MCPH1: variants seen among roughly 807,000 people sequenced by gnomAD.
MCPH1 encodes the protein microcephalin.
In MCPH1, 104 loss-of-function variants were observed where a neutral mutation model predicts 84.5. That is an observed-to-expected ratio of 1.23 (90% confidence interval 1.05 to 1.45). MCPH1 has a LOEUF of 1.45. Ranked by LOEUF, MCPH1 falls within the 40% of genes most tolerant of loss-of-function variation. The pLI is 0.00. For synonymous variants in MCPH1, 514 were observed against 366.8 expected (o/e 1.40, Z -4.58); for missense variants, 1,498 against 1,005.7 (o/e 1.49, Z -6.62).
chr8:6,498,727 AC>A (rs1402605778), intron 11 of MCPH1, among the ~76,000 whole-genome samples: 11 of 152,072 alleles, frequency 7.2e-5, no homozygotes, highest in Non-Finnish European at 1.3e-4. Context: ...CTTGATTTTA[AC>A]CTTTTATTTT....
chr8:6,612,460 C>T (rs116381246), intron 12 of MCPH1, among the ~76,000 whole-genome samples: 176 of 152,328 alleles, frequency 1.2e-3, no homozygotes, highest in African/African-American at 4.1e-3. Flanking sequence ...CTACCCCTTT[C>T]TCCATTACCT....
chr8:6,631,723 C>T (rs972446776), intron 13 of MCPH1, among the ~76,000 whole-genome samples: 2 of 151,258 alleles, frequency 1.3e-5, no homozygotes, highest in African/African-American at 4.9e-5. Flanking sequence ...CTTGTGTCTG[C>T]CTCATGTAAT....
intron 9 of MCPH1, among the ~76,000 whole-genome samples, chr8:6,466,190 G>T (rs932388335): frequency 1.4e-5 from 2 of 143,522 alleles, no homozygotes; most frequent in African/African-American, 5.1e-5. Context: ...AGGCTGGAGT[G>T]CAGTTGCGCG....
intron 12 of MCPH1, among the ~76,000 whole-genome samples, chr8:6,578,565 AT>A (rs1348839108): frequency 6.6e-6 from 1 of 152,194 alleles, no homozygotes; most frequent in East Asian, 1.9e-4. Context: ...TTTTTCCTCT[AT>A]TTAAGAGCAG....
chr8:6,451,239 C>G (rs1805048037), intron 8 of MCPH1, among the ~76,000 whole-genome samples: 1 of 152,210 alleles, frequency 6.6e-6, no homozygotes, highest in Non-Finnish European at 1.5e-5. Flanking sequence ...GTTAGTCAGT[C>G]TTAACAGAAG....
rs146726854 is a variant in MCPH1 at position 6,643,506 on chromosome 8, C to T, written c.*457C>T. 9.7e-6 allele frequency: 2 copies of T among 206,004 alleles called. No individual in the cohort carries two copies. The highest frequency in any genetic ancestry group is 4.7e-5 in the African/African-American group (2 of 42,536). The allele number at this position is 206,004 out of a possible 1,614,324, so 12.8% of individuals were successfully genotyped here. On this transcript the variant is annotated 3_prime_UTR_variant, in exon 14 of 14. Coordinates refer to ENST00000344683, the MANE Select transcript of MCPH1 (RefSeq NM_024596.5). Reference sequence around the variant, plus strand: ...TCTCAAACGCCTGAGCTCAGGTGATCTGTCAGGCCTCTTCTATAGAATTCC... The same window carrying T: ...TCTCAAACGCCTGAGCTCAGGTGATTTGTCAGGCCTCTTCTATAGAATTCC...
chr8:6,519,718 G>T, intron 12 of MCPH1: 1 of 954,044 alleles, frequency 1.0e-6, no homozygotes, highest in Non-Finnish European at 1.5e-6. Context: ...AGCACTCTAG[G>T]CGAGGTAGCT....
At chr8:6,611,262 C>G (rs1450678910) in intron 12 of MCPH1, among the ~76,000 whole-genome samples, 1 of 152,182 alleles carries the variant, frequency 6.6e-6, no homozygotes, top group Non-Finnish European at 1.5e-5. Context: ...CACCGCCTGC[C>G]TGGAGTTAGC....
intron 12 of MCPH1, among the ~76,000 whole-genome samples, chr8:6,587,380 C>G (rs1451105202): frequency 6.6e-6 from 1 of 152,074 alleles, no homozygotes; most frequent in African/African-American, 2.4e-5. Flanking sequence ...TTCTTGTTCC[C>G]CCAGCTTTAT....
chr8:6,495,160 AC>A (rs1473191476), intron 11 of MCPH1, among the ~76,000 whole-genome samples: 3 of 152,178 alleles, frequency 2.0e-5, no homozygotes, highest in Non-Finnish European at 4.4e-5. Flanking sequence ...GGACATAAGT[AC>A]CCTATTATTT....
chr8:6,571,636 G>A lies in MCPH1; in HGVS notation c.2215-49818G>A, dbSNP rs531046293. Among the ~76,000 whole-genome samples the A allele has an allele frequency of 3.1e-4, 47 of 152,160 alleles. 1 individual carries two copies. The highest frequency in any genetic ancestry group is 1.1e-3 in the African/African-American group (45 of 41,508). On this transcript the variant is annotated intron_variant, in intron 12 of 13. Coordinates refer to ENST00000344683, the MANE Select transcript of MCPH1 (RefSeq NM_024596.5). ...TTAAAAAGAGATAAAAATGTCATAT[G>A]TGCTATTTACATTAAGATATATTAT...
intron 12 of MCPH1, chr8:6,502,593 C>G (rs1812410175): frequency 6.6e-6 from 1 of 152,464 alleles, no homozygotes; most frequent in Non-Finnish European, 1.5e-5. Context: ...AACCCCTTCT[C>G]AGAATATCCC....
intron 12 of MCPH1, among the ~76,000 whole-genome samples, chr8:6,602,247 C>T (rs1329012643): frequency 6.6e-6 from 1 of 152,182 alleles, no homozygotes; most frequent in Non-Finnish European, 1.5e-5. Flanking sequence ...GAGCCTTAAG[C>T]ACCAAGAGCA....
intron 8 of MCPH1, among the ~76,000 whole-genome samples, chr8:6,453,758 CG>C (rs1563232026): frequency 6.6e-6 from 1 of 151,998 alleles, no homozygotes; most frequent in African/African-American, 2.4e-5. Flanking sequence ...TGTTCTACCC[CG>C]GGGGATAAAG....
intron 12 of MCPH1, among the ~76,000 whole-genome samples, chr8:6,534,741 A>C (rs1317460818): frequency 1.3e-5 from 2 of 152,242 alleles, no homozygotes; most frequent in African/African-American, 4.8e-5. Flanking sequence ...CTGAAATCTT[A>C]CTAACCGTTT....
chr8:6,490,041 G>C lies in MCPH1; in HGVS notation c.2136+9165G>C, dbSNP rs538205035. Among the ~76,000 whole-genome samples, 5 of 152,206 alleles carry C rather than the reference G, an allele frequency of 3.3e-5. No homozygotes were observed. The East Asian group carries it at 9.7e-4, about 29-fold the overall frequency. On this transcript the variant is annotated intron_variant, in intron 11 of 13. Coordinates refer to ENST00000344683, the MANE Select transcript of MCPH1 (RefSeq NM_024596.5). Reference sequence around the variant, plus strand: ...TCTTTTAACTTGGATCAACTGTGAAGTAACACAGGTCTTCAGTGTAGATCT... The same window carrying C: ...TCTTTTAACTTGGATCAACTGTGAACTAACACAGGTCTTCAGTGTAGATCT...
At chr8:6,504,272 C>T (rs892993348) in intron 12 of MCPH1, among the ~76,000 whole-genome samples, 5 of 143,082 alleles carry the variant, frequency 3.5e-5, no homozygotes, top group Non-Finnish European at 6.0e-5. Flanking sequence ...GAGCCGAGAT[C>T]GCGCCACTGC....
At chr8:6,532,059 G>T (rs1264735284) in intron 12 of MCPH1, among the ~76,000 whole-genome samples, 3 of 152,194 alleles carry the variant, frequency 2.0e-5, no homozygotes, top group Non-Finnish European at 4.4e-5. Context: ...TATTCATCTT[G>T]CAGTGGTTGG....
intron 13 of MCPH1, chr8:6,626,912 G>C: frequency 1.0e-6 from 1 of 984,124 alleles, no homozygotes; most frequent in Non-Finnish European, 1.2e-6. Flanking sequence ...TATTGTCTGG[G>C]CTCCATTCAA....
Sources: gnomAD v4.1 joint callset for allele counts (sites outside exome capture counted in the v4.1 genomes callset) on GRCh38, gnomAD v4.1.1 for gene constraint, MANE v1.5 for transcripts, NCBI Gene and HGNC (gene_info 2026-07-23, HGNC 2026-07-21) for gene names.